The following RET variants were observed in gnomAD, a reference collection of about 807,000 sequenced individuals.
The protein encoded by RET is ret proto-oncogene.
RET carries 19 observed loss-of-function variants against 118.3 expected under a neutral mutation model. The ratio of observed to expected loss-of-function variants is 0.16; its 90% CI spans 0.11 to 0.24. RET has a LOEUF of 0.24. RET is among the 10% of genes least tolerant of loss of function. The pLI is 1.00. For synonymous variants in RET, 597 were observed against 644.1 expected (o/e 0.93, Z 1.11); for missense variants, 1,219 against 1,502.1 (o/e 0.81, Z 3.12).
Position 43,109,094 on chromosome 10 carries a change from T to C in RET, c.1127T>C (p.Val376Ala). ...ENRTMQLAVL[V>A]NDSDFQGPGA... The stretch of plus-strand genomic sequence containing the variant: ...CGCACCATGCAGCTGGCGGTGCTGG[T>C]CAATGACTCAGACTTCCAGGGCCCA... The change falls in exon 6 of 20, where the codon GTC becomes GCC. Residue 376 changes from valine (V) to alanine (A), a missense_variant. This residue lies in a region of RET where 850 missense variants were observed against 969.6 expected (regional missense o/e 0.88). Transcript: ENST00000355710. 1 of 1,613,878 alleles carries C rather than the reference T, an allele frequency of 6.2e-7. No homozygotes were observed. Among genetic ancestry groups the C allele is most frequent in the South Asian group, 1.1e-5 (1 of 91,084 alleles).
chr10:43,114,328 GGT>G lies in RET; in HGVS notation c.1880-149_1880-148del. The G allele has an allele frequency of 1.0e-6, 1 of 974,852 alleles. No individual in the cohort carries two copies. The highest frequency in any genetic ancestry group is 1.6e-6 in the Non-Finnish European group (1 of 639,632). The allele number at this position is 974,852 out of a possible 1,614,324, so 60.4% of individuals were successfully genotyped here. ...AAATGGCAGTACCCATGCTCGATGG[GGT>G]GTTCTCAGGCCTTCCCACACCTCCA... On this transcript the variant is annotated intron_variant, in intron 10 of 19. Coordinates refer to ENST00000355710, the MANE Select transcript of RET (RefSeq NM_020975.6). The surrounding 1 kb of genome is among the most constrained non-coding windows in gnomAD (Gnocchi z 4.6).
At chr10:43,112,278 A>G in intron 8 of RET, 54 bp downstream of exon 8, 1 of 1,537,938 alleles carries the variant, frequency 6.5e-7, no homozygotes, top group Non-Finnish European at 8.7e-7. Flanking sequence ...CACCGGTGGA[A>G]ACGGGGTCCT....
rs749928426 is a variant in RET at position 43,124,994 on chromosome 10, G to T, written c.3039+12G>T. On this transcript the variant is annotated intron_variant, in intron 18 of 19. Coordinates refer to ENST00000355710, the MANE Select transcript of RET (RefSeq NM_020975.6). ...TGGTTAAGAGGAGAGTGAGTGCCTG[G>T]GTCCAATTCCCACAAGCTGAAAGTG... 1 of 1,613,358 alleles carries T rather than the reference G, an allele frequency of 6.2e-7. No individual in the cohort carries two copies. Among genetic ancestry groups the T allele is most frequent in the Non-Finnish European group, 8.5e-7 (1 of 1,179,350 alleles).
intron 1 of RET, among the ~76,000 whole-genome samples, chr10:43,083,009 C>G (rs1405246959): frequency 6.6e-6 from 1 of 152,188 alleles, no homozygotes; most frequent in Admixed American, 6.5e-5. Context: ...GTTCCCCTTC[C>G]TGCTCCACCA....
At chr10:43,093,352 A>C (rs1397466394) in intron 1 of RET, among the ~76,000 whole-genome samples, 2 of 151,632 alleles carry the variant, frequency 1.3e-5, no homozygotes, top group Non-Finnish European at 2.9e-5. Context: ...TGAAAGAGAA[A>C]GGGATCTGGG....
At position 43,126,653 on chromosome 10, in the gene RET, C is replaced by T. The variant is rs1838337065; in HGVS notation, c.3118C>T (p.Leu1040=). The part of the protein sequence containing the change: ...DDGLSEEETP[L]VDCNNAPLPR... ...CGGCCTCTCAGAGGAGGAGACACCG[C>T]TGGTGGACTGTAATAATGCCCCCCT... is the stretch of plus-strand genomic sequence containing the variant. Residue 1040 remains leucine (L), a synonymous_variant, in exon 19 of 20, where the codon CTG becomes TTG. Transcript: ENST00000355710. 2 of 1,614,122 alleles carry T rather than the reference C, an allele frequency of 1.2e-6. No homozygotes were observed. Among genetic ancestry groups the T allele is most frequent in the Non-Finnish European group, 1.7e-6 (2 of 1,180,016 alleles).
intron 4 of RET, among the ~76,000 whole-genome samples, chr10:43,105,699 G>C (rs2132713752): frequency 6.6e-6 from 1 of 152,322 alleles, no homozygotes; most frequent in South Asian, 2.1e-4. Context: ...ACCCAGCAGG[G>C]GCCGTGGGAG....
chr10:43,082,009 G>A (rs1448261554), intron 1 of RET, among the ~76,000 whole-genome samples: 2 of 152,144 alleles, frequency 1.3e-5, no homozygotes, highest in Non-Finnish European at 2.9e-5. Flanking sequence ...TTGGATTGGC[G>A]CTGAGACAAT....
chr10:43,077,299 T>A lies in RET; in HGVS notation c.41T>A (p.Leu14Gln). The A allele has an allele frequency of 2.0e-6, 3 of 1,511,992 alleles. No individual in the cohort carries two copies. The highest frequency in any genetic ancestry group is 2.6e-6 in the Non-Finnish European group (3 of 1,135,684). The allele number at this position is 1,511,992 out of a possible 1,614,324, so 93.7% of individuals were successfully genotyped here. A position where few individuals can be genotyped will look rare whatever the true frequency, so the allele number is the denominator to read the frequency against. ...ATSGAAGLRL[L>Q]LLLLLPLLGK... is the part of the protein sequence containing the mutation. ...TCCGGTGCCGCGGGGCTGCGTCTGC[T>A]GTTGCTGCTGCTGCTGCCGCTGCTA... The change falls in exon 1 of 20, where the codon CTG becomes CAG. Residue 14 changes from leucine to glutamine, a missense_variant. This residue lies in a region of RET where 38 missense variants were observed against 33.1 expected (regional missense o/e 1.15). Transcript: ENST00000355710.
chr10:43,077,584 G>A (rs1837076867), intron 1 of RET, among the ~76,000 whole-genome samples: 1 of 151,460 alleles, frequency 6.6e-6, no homozygotes, highest in South Asian at 2.1e-4. Flanking sequence ...CCGGGCCGCG[G>A]GGGTCGGTGC....
intron 1 of RET, 48 bp from the exon 2 acceptor site, chr10:43,100,411 A>G (rs2132655338): frequency 1.3e-6 from 2 of 1,597,102 alleles, no homozygotes; most frequent in Non-Finnish European, 1.7e-6. Flanking sequence ...TTGTCCTTGA[A>G]GAAGCCTTAT....
chr10:43,112,245 A>C (rs528859722), intron 8 of RET, 21 bp downstream of exon 8: 21 of 1,551,176 alleles, frequency 1.4e-5, no homozygotes, highest in Non-Finnish European at 1.7e-5. Flanking sequence ...GAAACGCCCA[A>C]GGGAGGCCTG....
chr10:43,102,222 C>G (rs1262748379), intron 2 of RET, 120 bp from the exon 3 acceptor site: 1 of 1,287,374 alleles, frequency 7.8e-7, no homozygotes, highest in Admixed American at 1.8e-5. Flanking sequence ...CCAGTCTGAG[C>G]CTTGTGGACC....
intron 15 of RET, among the ~76,000 whole-genome samples, chr10:43,121,023 G>A (rs187711340): frequency 3.7e-4 from 57 of 152,332 alleles, no homozygotes; most frequent in African/African-American, 1.3e-3. Context: ...TGTGTTGCCA[G>A]GGGTTGTGAG....
chr10:43,080,079 T>C (rs1024725446), intron 1 of RET, among the ~76,000 whole-genome samples: 1 of 152,222 alleles, frequency 6.6e-6, no homozygotes, highest in Non-Finnish European at 1.5e-5. Context: ...TTCTGCAGAA[T>C]CACTTTAGGG....
intron 1 of RET, among the ~76,000 whole-genome samples, chr10:43,098,088 T>C (rs1837559527): frequency 6.6e-6 from 1 of 152,212 alleles, no homozygotes; most frequent in African/African-American, 2.4e-5. Context: ...TGGAAAAATA[T>C]ACACAAAAAT....
intron 3 of RET, among the ~76,000 whole-genome samples, chr10:43,104,014 C>T (rs1427228372): frequency 2.6e-5 from 4 of 152,168 alleles, no homozygotes; most frequent in African/African-American, 9.7e-5. Flanking sequence ...TGGTTCCTGG[C>T]CCTGCTTCAG....
chr10:43,109,416 G>A (rs1403164681), intron 6 of RET, among the ~76,000 whole-genome samples, 186 bp downstream of exon 6: 1 of 152,202 alleles, frequency 6.6e-6, no homozygotes, highest in Non-Finnish European at 1.5e-5. Flanking sequence ...ACAGTGGGCA[G>A]GGCTGGGGGC....
chr10:43,113,483 A>G, intron 9 of RET, 73 bp from the exon 10 acceptor site: 1 of 1,501,902 alleles, frequency 6.7e-7, no homozygotes, highest in South Asian at 1.2e-5. Context: ...TCCTTGGGAC[A>G]CTGCCCTGGA....
Sources: allele counts gnomAD v4.1 joint callset (sites outside exome capture counted in the v4.1 genomes callset), GRCh38; gene constraint gnomAD v4.1.1; regional missense constraint gnomAD v4.1.1; non-coding constraint Gnocchi (gnomAD v3.1); transcripts MANE v1.5; gene names NCBI Gene and HGNC (gene_info 2026-07-23, HGNC 2026-07-21).